The following RNF157 variants were observed in gnomAD, a reference collection of about 807,000 sequenced individuals.
RNF157 encodes E3 ubiquitin ligase RNF157.
RNF157 carries 55 observed loss-of-function variants against 88.3 expected under a neutral mutation model. The ratio of observed to expected loss-of-function variants is 0.62; its 90% CI spans 0.50 to 0.78. RNF157 has a LOEUF of 0.78. RNF157 is among the 30% of genes least tolerant of loss of function. The pLI is 0.00. For synonymous variants in RNF157, 334 were observed against 341.2 expected, an observed-to-expected ratio of 0.98 and a Z score of 0.23; for missense variants, 788 against 860.8, an observed-to-expected ratio of 0.92 and a Z score of 1.06.
At chr17:76,233,079 C>T (rs2070221783) in intron 1 of RNF157, among the ~76,000 whole-genome samples, 2 of 152,110 alleles carry the variant, frequency 1.3e-5, no homozygotes, top group African/African-American at 4.8e-5. Context: ...GGCCACCACG[C>T]CCAGCTAATT....
chr17:76,165,955 G>A (rs1361158432), intron 6 of RNF157, among the ~76,000 whole-genome samples: 1 of 151,918 alleles, frequency 6.6e-6, no homozygotes, highest in Non-Finnish European at 1.5e-5. Context: ...TAGGATTACA[G>A]GGATGAGCCA....
intron 2 of RNF157, among the ~76,000 whole-genome samples, chr17:76,211,703 T>G (rs1446977849): frequency 6.6e-6 from 1 of 152,220 alleles, no homozygotes; most frequent in Non-Finnish European, 1.5e-5. Flanking sequence ...GGTCTTCATA[T>G]GGAACAGGGG....
chr17:76,145,436 C>T (rs911365779), intron 18 of RNF157, 83 bp from the exon 19 acceptor site: 34 of 1,020,348 alleles, frequency 3.3e-5, no homozygotes, highest in Middle Eastern at 4.2e-4. Flanking sequence ...GCCCAGGAGC[C>T]GGCACGGAAG....
In RNF157 at chr17:76,156,508, G is replaced by A. The variant is rs556828574; in HGVS notation, c.1414-187C>T. 66 of 1,412,210 alleles carry A rather than the reference G, an allele frequency of 4.7e-5. 1 individual carries two copies. In the East Asian group the frequency reaches 1.7e-3, roughly 37 times the overall value. 87.5% of individuals were successfully genotyped at this position (1,412,210 alleles called of 1,614,324 possible). A position where few individuals can be genotyped will look rare whatever the true frequency, so the allele number is the denominator to read the frequency against. The stretch of plus-strand genomic sequence containing the variant: ...ACTTCAGCCCAAGCCTGGAATGACT[G>A]CCTCCCAGGGGAGGCGCACACTTCA... On this transcript the variant is annotated intron_variant, in intron 13 of 18. Transcript: ENST00000269391.
chr17:76,210,312 C>T (rs973923172), intron 2 of RNF157, among the ~76,000 whole-genome samples: 7 of 151,798 alleles, frequency 4.6e-5, no homozygotes, highest in African/African-American at 7.2e-5. Flanking sequence ...GAAGAGAACC[C>T]GCCGGGCGCA....
intron 2 of RNF157, among the ~76,000 whole-genome samples, chr17:76,183,016 G>A (rs2069223181): frequency 6.6e-6 from 1 of 151,744 alleles, no homozygotes; most frequent in African/African-American, 2.4e-5. Context: ...TGCAACCTCC[G>A]CCTCCCGGGT....
At chr17:76,237,665 C>T (rs528841213) in intron 1 of RNF157, among the ~76,000 whole-genome samples, 1 of 152,264 alleles carries the variant, frequency 6.6e-6, no homozygotes, top group African/African-American at 2.4e-5. Context: ...CCTGGCCATA[C>T]CAATTCATTT....
chr17:76,192,709 C>G (rs529358034), intron 2 of RNF157, among the ~76,000 whole-genome samples: 1 of 152,248 alleles, frequency 6.6e-6, no homozygotes, highest in Non-Finnish European at 1.5e-5. Flanking sequence ...TGACTAGCAG[C>G]TGAAACCCTC....
chr17:76,199,787 C>T (rs996227732), intron 2 of RNF157, among the ~76,000 whole-genome samples: 1 of 151,966 alleles, frequency 6.6e-6, no homozygotes, highest in Non-Finnish European at 1.5e-5. Flanking sequence ...GATCCACCTA[C>T]CATAGAAATC....
intron 3 of RNF157, 32 bp from the exon 4 acceptor site, chr17:76,167,829 T>C (rs911122382): frequency 6.3e-7 from 1 of 1,590,512 alleles, no homozygotes; most frequent in Non-Finnish European, 8.5e-7. Context: ...ATTTGCAGAG[T>C]AGCATATCAA....
intron 1 of RNF157, among the ~76,000 whole-genome samples, chr17:76,238,632 C>A (rs2070321901): frequency 6.6e-6 from 1 of 152,168 alleles, no homozygotes; most frequent in African/African-American, 2.4e-5. Context: ...AAATTCCAAG[C>A]TCAGCAAAGT....
intron 2 of RNF157, among the ~76,000 whole-genome samples, chr17:76,200,624 G>A (rs1183190124): frequency 6.6e-6 from 1 of 152,182 alleles, no homozygotes; most frequent in Non-Finnish European, 1.5e-5. Flanking sequence ...TGAGATGAAA[G>A]GAGTTCTGGA....
rs112277602 is a variant in RNF157, at chr17:76,232,049, A to G, written c.88+8104T>C. ...CTTAGCATAATGTTTTTGAAGTTAA[A>G]TCATGTTGTATAGCATGTATCAGTA... On this transcript the variant is annotated intron_variant, in intron 1 of 18. Transcript: ENST00000269391. Among the ~76,000 whole-genome samples, 958 of 152,260 alleles carry G rather than the reference A, an allele frequency of 6.3e-3. 7 individuals are homozygous for G. Among genetic ancestry groups the G allele is most frequent in the African/African-American group, 0.021 (886 of 41,562 alleles).
intron 1 of RNF157, among the ~76,000 whole-genome samples, chr17:76,217,759 G>A (rs1388520033): frequency 2.6e-5 from 4 of 152,114 alleles, no homozygotes; most frequent in South Asian, 2.1e-4. Context: ...ATTTGCTAAC[G>A]GGAAAAAAAC....
intron 8 of RNF157, 137 bp downstream of exon 8, chr17:76,164,611 T>TAA (rs370597314): frequency 4.5e-4 from 182 of 402,336 alleles, no homozygotes; most frequent in East Asian, 5.6e-4. Flanking sequence ...CTTCTTTGAT[T>TAA]AAAAAAAAAA....
chr17:76,224,688 T>C (rs977399423), intron 1 of RNF157, among the ~76,000 whole-genome samples: 2 of 150,278 alleles, frequency 1.3e-5, no homozygotes, highest in African/African-American at 4.9e-5. Context: ...ACACTTGAAA[T>C]ACACTAACAC....
At chr17:76,210,338 A>G (rs1456924603) in intron 2 of RNF157, among the ~76,000 whole-genome samples, 1 of 151,946 alleles carries the variant, frequency 6.6e-6, no homozygotes, top group Non-Finnish European at 1.5e-5. Flanking sequence ...TCATGCCTGT[A>G]ATCCCAGCAC....
chr17:76,238,479 T>C (rs1221833419), intron 1 of RNF157, among the ~76,000 whole-genome samples: 1 of 152,220 alleles, frequency 6.6e-6, no homozygotes, highest in Non-Finnish European at 1.5e-5. Context: ...TTTGGTTTGG[T>C]CTATTGTCTT....
chr17:76,194,946 T>C (rs1013687244), intron 2 of RNF157, among the ~76,000 whole-genome samples: 15 of 150,980 alleles, frequency 9.9e-5, no homozygotes, highest in African/African-American at 2.9e-4. Context: ...ACCCGGGAGG[T>C]GGAGTTTACA....
Sources: allele counts gnomAD v4.1 joint callset (sites outside exome capture counted in the v4.1 genomes callset), GRCh38; gene constraint gnomAD v4.1.1; transcripts MANE v1.5; gene names NCBI Gene and HGNC (gene_info 2026-07-23, HGNC 2026-07-21).